The following TRA2A variants were observed in gnomAD, a reference collection of about 807,000 sequenced individuals.
The protein encoded by TRA2A is transformer 2 alpha homolog, also known as transformer-2 protein homolog alpha.
In TRA2A, 31 loss-of-function variants were observed where a neutral mutation model predicts 45.7. The observed-to-expected ratio is 0.68, with a 90% CI of 0.51 to 0.92. TRA2A has a LOEUF of 0.92. TRA2A is among the 40% of genes least tolerant of loss of function. The pLI is 0.00. For missense variants in TRA2A, 304 were observed against 367.5 expected (o/e 0.83, Z 1.41); for synonymous variants, 132 against 126.2 (o/e 1.05, Z -0.31).
At chr7:23,505,987 A>T (rs1363799540) in intron 6 of TRA2A, 151 bp downstream of exon 6, 1 of 758,430 alleles carries the variant, frequency 1.3e-6, no homozygotes, top group Non-Finnish European at 2.1e-6. Context: ...CAAAATACTG[A>T]CATATACAGA....
chr7:23,507,189 C>T, intron 5 of TRA2A: 1 of 494,598 alleles, frequency 2.0e-6, no homozygotes, highest in Non-Finnish European at 3.6e-6. Flanking sequence ...CAACCTCTGC[C>T]TCCCAAGTTC....
intron 2 of TRA2A, among the ~76,000 whole-genome samples, chr7:23,517,395 G>A (rs573061238): frequency 6.3e-5 from 9 of 143,538 alleles, no homozygotes; most frequent in South Asian, 2.2e-4. Flanking sequence ...AGGAAATGGC[G>A]CGAACCCAGA....
chr7:23,520,683 ATTTTTTTTTTT>A (rs11346990), intron 2 of TRA2A, among the ~76,000 whole-genome samples: 1 of 129,724 alleles, frequency 7.7e-6, no homozygotes, highest in South Asian at 2.5e-4. Context: ...GCTGTTTTAA[ATTTTTTTTTTT>A]TTTTTTTTTT....
intron 1 of TRA2A, chr7:23,522,056 T>A: frequency 1.4e-6 from 2 of 1,381,602 alleles, no homozygotes; most frequent in Non-Finnish European, 1.9e-6. Context: ...AATTCTCTAT[T>A]AACTAAGTAA....
rs1009511599 is a variant in TRA2A, at chr7:23,505,535, T to G, written c.*24A>C. 4 of 429,142 alleles carry G rather than the reference T, an allele frequency of 9.3e-6. No individual in the cohort carries two copies. The highest frequency in any genetic ancestry group is 5.8e-5 in the African/African-American group (2 of 34,624). 26.6% of individuals were successfully genotyped at this position (429,142 alleles called of 1,614,324 possible). A position where few individuals can be genotyped will look rare whatever the true frequency, so the allele number is the denominator to read the frequency against. On this transcript the variant is annotated 3_prime_UTR_variant, in exon 8 of 8. Coordinates refer to ENST00000297071, the MANE Select transcript of TRA2A (RefSeq NM_013293.5). ...AAAAAAAAAAAGAGGAAAAAAAATG[T>G]CCTTAATTGCAACCATTCCGTTATC...
chr7:23,527,803 T>C (rs1458081120), intron 1 of TRA2A, among the ~76,000 whole-genome samples: 1 of 152,222 alleles, frequency 6.6e-6, no homozygotes, highest in African/African-American at 2.4e-5. Flanking sequence ...GCTGTGGGTA[T>C]AATTACTTGC....
intron 3 of TRA2A, among the ~76,000 whole-genome samples, chr7:23,513,610 G>C (rs185486200): frequency 6.6e-6 from 1 of 152,216 alleles, no homozygotes; most frequent in Admixed American, 6.6e-5. Flanking sequence ...AAGAGTGTTA[G>C]AAATGTTTGT....
At chr7:23,513,392 T>G (rs1211483110) in intron 3 of TRA2A, among the ~76,000 whole-genome samples, 1 of 152,100 alleles carries the variant, frequency 6.6e-6, no homozygotes, top group Non-Finnish European at 1.5e-5. Flanking sequence ...CTGAGGTGGG[T>G]GGATCACCTG....
At chr7:23,520,944 C>T (rs971309695) in intron 2 of TRA2A, among the ~76,000 whole-genome samples, 5 of 152,144 alleles carry the variant, frequency 3.3e-5, no homozygotes, top group Admixed American at 1.3e-4. Flanking sequence ...CTACCCACCT[C>T]GGCTTCCCAA....
In TRA2A at chr7:23,512,998, G is replaced by T; in HGVS notation, c.421C>A (p.Arg141=). ...TERDLREVFS[R]YGPLSGVNVV... is the part of the protein sequence containing the mutation. The stretch of plus-strand genomic sequence containing the variant: ...TTGACACCACTCAATGGTCCATATC[G>T]AGAAAATACTTCACGAAGATCCCTC... Residue 141 remains arginine, a synonymous_variant, in exon 4 of 8, where the codon CGA becomes AGA. Coordinates refer to ENST00000297071, the MANE Select transcript of TRA2A (RefSeq NM_013293.5). 6.2e-7 allele frequency: 1 copy of T among 1,613,954 alleles called. No individual in the cohort carries two copies. Among genetic ancestry groups the T allele is most frequent in the Non-Finnish European group, 8.5e-7 (1 of 1,179,938 alleles).
chr7:23,506,287 T>C (rs1484479147), intron 5 of TRA2A, 21 bp from the exon 6 acceptor site: 2 of 1,585,570 alleles, frequency 1.3e-6, no homozygotes, highest in South Asian at 1.1e-5. Flanking sequence ...ATGTAAAAAT[T>C]CTCCATTAGT....
chr7:23,512,559 C>T (rs951678773), intron 4 of TRA2A, among the ~76,000 whole-genome samples: 1 of 151,978 alleles, frequency 6.6e-6, no homozygotes, highest in Non-Finnish European at 1.5e-5. Context: ...CCCGGGTTCG[C>T]GCCATTCTCC....
chr7:23,506,345 A>G (rs1789339276), intron 5 of TRA2A, 79 bp from the exon 6 acceptor site: 1 of 1,389,390 alleles, frequency 7.2e-7, no homozygotes, highest in African/African-American at 1.4e-5. Context: ...GAATGGCTTA[A>G]AAAAGAGAAA....
At chr7:23,528,988 C>T (rs1790455090) in intron 1 of TRA2A, among the ~76,000 whole-genome samples, 1 of 152,174 alleles carries the variant, frequency 6.6e-6, no homozygotes, top group African/African-American at 2.4e-5. Context: ...GAATCATTAA[C>T]CTCCATGATC....
intron 2 of TRA2A, among the ~76,000 whole-genome samples, chr7:23,517,503 A>AAAGAG (rs764849438): frequency 8.6e-6 from 1 of 116,206 alleles, no homozygotes; most frequent in African/African-American, 3.2e-5. Flanking sequence ...AAAAAAAAAA[A>AAAGAG]AGAGAGAAAG....
intron 2 of TRA2A, among the ~76,000 whole-genome samples, chr7:23,517,068 G>A (rs1046844022): frequency 3.9e-5 from 6 of 152,070 alleles, no homozygotes; most frequent in Non-Finnish European, 5.9e-5. Flanking sequence ...TTGCGCCACC[G>A]CACTCCAGCA....
At chr7:23,512,109 G>C (rs547785719) in intron 4 of TRA2A, among the ~76,000 whole-genome samples, 1 of 152,244 alleles carries the variant, frequency 6.6e-6, no homozygotes, top group East Asian at 1.9e-4. Flanking sequence ...TTTCAATTAG[G>C]ATATGCCTAT....
intron 1 of TRA2A, among the ~76,000 whole-genome samples, chr7:23,526,050 T>TA (rs1447074219): frequency 6.6e-6 from 1 of 152,216 alleles, no homozygotes; most frequent in Non-Finnish European, 1.5e-5. Context: ...TGTGTTAAAA[T>TA]AGAGTTGTAT....
chr7:23,505,845 A>G (rs1213575077), intron 6 of TRA2A, 32 bp from the exon 7 acceptor site: 2 of 1,314,978 alleles, frequency 1.5e-6, no homozygotes, highest in Admixed American at 2.5e-5. Context: ...TTAGCATACT[A>G]TATAATCACT....
Sources: allele counts gnomAD v4.1 joint callset (sites outside exome capture counted in the v4.1 genomes callset), GRCh38; gene constraint gnomAD v4.1.1; transcripts MANE v1.5; gene names NCBI Gene and HGNC (gene_info 2026-07-23, HGNC 2026-07-21).